The following JAK1 variants were observed in gnomAD, a reference collection of about 807,000 sequenced individuals.
JAK1 encodes tyrosine-protein kinase JAK1.
JAK1 carries 16 observed loss-of-function variants against 136.6 expected under a neutral mutation model. That is an observed-to-expected ratio of 0.12 (90% CI 0.08 to 0.18). The LOEUF (loss-of-function observed/expected upper bound fraction) is 0.18. Ranked by LOEUF, JAK1 falls within the 10% of genes least tolerant of loss-of-function variation. The probability of loss-of-function intolerance (pLI) is 1.00; values close to 1 mark genes in which losing one functional copy is unlikely to be tolerated. For synonymous variants in JAK1, 492 were observed against 519.5 expected, an observed-to-expected ratio of 0.95 and a Z score of 0.72; for missense variants, 859 against 1,450.1, an observed-to-expected ratio of 0.59 and a Z score of 6.62.
At chr1:65,023,030 T>G (rs902998200) in intron 2 of JAK1, 6 of 152,290 alleles carry the variant, frequency 3.9e-5, no homozygotes, top group East Asian at 1.9e-4. Flanking sequence ...GCTAATCTTC[T>G]CTGTATCATT....
At chr1:65,003,494 T>A (rs924600702) in intron 2 of JAK1, 26 of 152,324 alleles carry the variant, frequency 1.7e-4, no homozygotes, top group Admixed American at 1.7e-3. Flanking sequence ...AGAATCATAG[T>A]GTTTATTAAC....
At chr1:64,948,716 G>C (rs941191139) in intron 1 of JAK1, among the ~76,000 whole-genome samples, 12 of 152,132 alleles carry the variant, frequency 7.9e-5, no homozygotes, top group African/African-American at 2.7e-4. Flanking sequence ...TTTGTGGAAG[G>C]CTTTTCAACA....
At chr1:64,865,771 T>A (rs530618962) in intron 7 of JAK1, among the ~76,000 whole-genome samples, 1 of 152,278 alleles carries the variant, frequency 6.6e-6, no homozygotes, top group Admixed American at 6.5e-5. Context: ...TTCATTTATT[T>A]AATTTTTTGA....
intron 1 of JAK1, among the ~76,000 whole-genome samples, chr1:65,065,515 A>C (rs1557783582): frequency 6.6e-6 from 1 of 151,742 alleles, no homozygotes. Context: ...AGAGGAGGGG[A>C]GGGTCGACTG....
chr1:64,937,475 C>T (rs1159388667), intron 1 of JAK1, among the ~76,000 whole-genome samples: 1 of 152,186 alleles, frequency 6.6e-6, no homozygotes, highest in Non-Finnish European at 1.5e-5. Flanking sequence ...TTTACCTTTG[C>T]TAATTTTTCC....
chr1:65,015,694 G>C (rs986639206), intron 2 of JAK1, among the ~76,000 whole-genome samples: 15 of 152,096 alleles, frequency 9.9e-5, no homozygotes, highest in African/African-American at 3.6e-4. Flanking sequence ...TTTTAAAACG[G>C]AAATATAACT....
In JAK1 at chr1:64,915,835, C is replaced by A. The variant is rs367884961; in HGVS notation, c.-77-29494G>T. On this transcript the variant is annotated intron_variant, in intron 1 of 24. Transcript: ENST00000342505. ...AGAGATGTCAGGTGAAGCATGGGAACCTCTGGGCACGCAGAAAGACGGCAT... is the reference window on the plus strand; with the variant it reads ...AGAGATGTCAGGTGAAGCATGGGAAACTCTGGGCACGCAGAAAGACGGCAT... 3.3e-5 allele frequency among the ~76,000 whole-genome samples: 5 copies of A among 152,256 alleles called. No individual in the cohort carries two copies. The South Asian group carries it at 8.3e-4, about 25-fold the overall frequency.
rs539218457 is a variant in JAK1 at position 64,839,696 on chromosome 1, T to C, written c.2749A>G (p.Asn917Asp). The C allele has an allele frequency of 1.1e-5, 17 of 1,614,200 alleles. No homozygotes were observed. The Admixed American group carries it at 2.3e-4, about 22-fold the overall frequency. The change falls in exon 20 of 25, where the codon AAC becomes GAC. Residue 917 changes from asparagine (N) to aspartate (D), a missense_variant. Asn to Asp is a conservative substitution (Grantham distance 23, BLOSUM62 1). This residue lies in a region of JAK1 where 409 missense variants were observed against 753.8 expected (regional missense o/e 0.54). Coordinates refer to ENST00000342505, the MANE Select transcript of JAK1 (RefSeq NM_002227.4). ...VKSLKPESGG[N>D]HIADLKKEIE... ...TCCTTTTTCAGATCAGCTATGTGGT[T>C]ACCTCCACTCTCAGGCTTCAGAGAT...
chr1:64,971,607 C>T (rs184412624), intron 2 of JAK1, among the ~76,000 whole-genome samples: 2 of 151,628 alleles, frequency 1.3e-5, no homozygotes, highest in East Asian at 1.9e-4. Context: ...CGCCCAGGCT[C>T]GAGTACAGTG....
rs1430134422 is a variant in JAK1 at position 64,878,518 on chromosome 1, G to GT, written c.329+506dup. 2.2e-5 allele frequency among the ~76,000 whole-genome samples: 3 copies of GT among 139,178 alleles called. No individual in the cohort carries two copies. In the Admixed American group the frequency reaches 2.2e-4, roughly 10 times the overall value. 91.3% of individuals were successfully genotyped at this position (139,178 alleles called of 152,430 possible). A position where few individuals can be genotyped will look rare whatever the true frequency, so the allele number is the denominator to read the frequency against. Reference sequence around the variant, plus strand: ...TCGAGCTTTTTAGTTGCAACTTTTAGTAAGAAAAATATTTTATATCATGAC... The same window carrying GT: ...TCGAGCTTTTTAGTTGCAACTTTTAGTTAAGAAAAATATTTTATATCATGAC... On this transcript the variant is annotated intron_variant, in intron 4 of 24. Transcript: ENST00000342505.
At chr1:65,064,015 A>C (rs1647933578) in intron 1 of JAK1, among the ~76,000 whole-genome samples, 1 of 152,172 alleles carries the variant, frequency 6.6e-6, no homozygotes, top group Non-Finnish European at 1.5e-5. Flanking sequence ...CTGAACATGG[A>C]ATCAACATAA....
At chr1:64,858,089 GGC>G (rs1656056850) in intron 9 of JAK1, among the ~76,000 whole-genome samples, 1 of 152,216 alleles carries the variant, frequency 6.6e-6, no homozygotes, top group South Asian at 2.1e-4. Context: ...CCTCTCTGGA[GGC>G]TGGTGATGAG....
chr1:65,058,676 T>G (rs1317271552), intron 1 of JAK1, among the ~76,000 whole-genome samples: 1 of 152,160 alleles, frequency 6.6e-6, no homozygotes, highest in Non-Finnish European at 1.5e-5. Flanking sequence ...GGCTGAAATA[T>G]TAAAAGGCCC....
In JAK1 at chr1:64,844,326, G is replaced by A. The variant is rs758154759; in HGVS notation, c.2252-111C>T. 7.0e-7 allele frequency: 1 copy of A among 1,429,668 alleles called. No individual in the cohort carries two copies. Among genetic ancestry groups the A allele is most frequent in the Non-Finnish European group, 9.8e-7 (1 of 1,023,842 alleles). The allele number at this position is 1,429,668 out of a possible 1,614,324, so 88.6% of individuals were successfully genotyped here. On this transcript the variant is annotated intron_variant, in intron 16 of 24. Transcript: ENST00000342505. This position sits in a 1 kb window ranked among gnomAD's most constrained non-coding sequence, Gnocchi z 5.7. ...CAATGAAGGAACTACTTCAAGCAGT[G>A]TGCCCAAACATGGCCCATGGCCACA...
chr1:64,937,260 G>T (rs190365935), intron 1 of JAK1, among the ~76,000 whole-genome samples: 2 of 152,216 alleles, frequency 1.3e-5, no homozygotes, highest in African/African-American at 4.8e-5. Flanking sequence ...AGTCTCCAGA[G>T]GCATAAGCTC....
At chr1:64,863,503 A>G (rs1050342883) in intron 8 of JAK1, among the ~76,000 whole-genome samples, 1 of 151,296 alleles carries the variant, frequency 6.6e-6, no homozygotes, top group African/African-American at 2.4e-5. Flanking sequence ...TGTTTTTACT[A>G]TATTTTTCTA....
chr1:64,886,751 T>TACACACACACACACACAC (rs3838404), intron 1 of JAK1, among the ~76,000 whole-genome samples: 3 of 138,864 alleles, frequency 2.2e-5, no homozygotes, highest in Admixed American at 7.2e-5. Context: ...CAACCTTGTC[T>TACACACACACACACACAC]ACACACACAC....
In JAK1 at chr1:64,844,673, A is replaced by G. The variant is rs1314595214; in HGVS notation, c.2251+81T>C. 4.5e-6 allele frequency: 7 copies of G among 1,555,500 alleles called. No individual in the cohort carries two copies. In the East Asian group the frequency reaches 9.0e-5, roughly 20 times the overall value. ...AAAAAAAATGACTCTCTAAAAGGAG[A>G]CCAACCCCAGCCCAGCCCTTCTCTC... On this transcript the variant is annotated intron_variant, in intron 16 of 24. Coordinates refer to ENST00000342505, the MANE Select transcript of JAK1 (RefSeq NM_002227.4). This position sits in a 1 kb window ranked among gnomAD's most constrained non-coding sequence, Gnocchi z 5.7.
At chr1:65,061,765 T>G (rs909637773) in intron 1 of JAK1, among the ~76,000 whole-genome samples, 1 of 152,194 alleles carries the variant, frequency 6.6e-6, no homozygotes, top group Non-Finnish European at 1.5e-5. Context: ...TACTTGCATT[T>G]TATTGCAAAA....
Sources: gnomAD v4.1 joint callset for allele counts (sites outside exome capture counted in the v4.1 genomes callset) on GRCh38, gnomAD v4.1.1 for gene constraint, gnomAD v4.1.1 regional missense constraint, Gnocchi (gnomAD v3.1) non-coding constraint, MANE v1.5 for transcripts, NCBI Gene and HGNC (gene_info 2026-07-23, HGNC 2026-07-21) for gene names.